PDE1A: variants seen among roughly 807,000 people sequenced by gnomAD.
PDE1A encodes phosphodiesterase 1A, also known as dual specificity calcium/calmodulin-dependent 3',5'-cyclic nucleotide phosphodiesterase 1A.
In PDE1A, 35 loss-of-function variants were observed where a neutral mutation model predicts 61.7. That is an observed-to-expected ratio of 0.57 (90% CI 0.43 to 0.75). The LOEUF is 0.75. Among genes scored for constraint, PDE1A ranks in the 30% least tolerant of loss-of-function variants. The pLI, the probability that PDE1A is intolerant of heterozygous loss-of-function variation, is 0.00. For synonymous variants in PDE1A, 232 were observed against 213.2 expected, an observed-to-expected ratio of 1.09 and a Z score of -0.77; for missense variants, 597 against 630.6, an observed-to-expected ratio of 0.95 and a Z score of 0.57.
At chr2:182,170,896 T>C (rs1161686554) in intron 13 of PDE1A, among the ~76,000 whole-genome samples, 1 of 151,982 alleles carries the variant, frequency 6.6e-6, no homozygotes, top group African/African-American at 2.4e-5. Context: ...AAACAATATA[T>C]AAAGTTTAAT....
chr2:182,520,544 A>T (rs1182542491), intron 2 of PDE1A, among the ~76,000 whole-genome samples: 5 of 151,970 alleles, frequency 3.3e-5, no homozygotes, highest in African/African-American at 1.2e-4. Context: ...TTTCTGAAAT[A>T]AAATGACAGA....
intron 2 of PDE1A, among the ~76,000 whole-genome samples, chr2:182,497,530 C>T (rs76429297): frequency 6.6e-6 from 1 of 152,240 alleles, no homozygotes; most frequent in East Asian, 1.9e-4. Flanking sequence ...AATTAAACCA[C>T]AGAGGTGAGA....
chr2:182,183,992 G>A (rs79153207), intron 13 of PDE1A, among the ~76,000 whole-genome samples: 29,383 of 137,670 alleles, frequency 0.21, 3,145 homozygotes, highest in East Asian at 0.33. Context: ...AACAAAAGAA[G>A]GAAGGAAAGG....
chr2:182,265,483 A>AAAAT (rs1057513965), intron 1 of PDE1A, among the ~76,000 whole-genome samples: 1 of 152,078 alleles, frequency 6.6e-6, no homozygotes, highest in Non-Finnish European at 1.5e-5. Context: ...GGCAAATTTG[A>AAAAT]AAATATTTTC....
the PDE1A span, among the ~76,000 whole-genome samples, chr2:182,658,416 T>C: frequency 6.6e-6 from 1 of 152,240 alleles, no homozygotes; most frequent in Non-Finnish European, 1.5e-5. Flanking sequence ...GGTCATTATA[T>C]TTAGAGCCTA....
chr2:182,288,540 CCAGAATTACCTTCATGGCCAG>C (rs1574259821), intron 1 of PDE1A, among the ~76,000 whole-genome samples: 1 of 152,020 alleles, frequency 6.6e-6, no homozygotes, highest in East Asian at 1.9e-4. Context: ...GCAAATCTAC[CCAGAATTACCTTCATGGCCAG>C]CAATTCAATA....
chr2:182,252,294 G>T (rs1691457198), intron 2 of PDE1A, among the ~76,000 whole-genome samples: 1 of 151,830 alleles, frequency 6.6e-6, no homozygotes, highest in South Asian at 2.1e-4. Flanking sequence ...TGTAGAAAAA[G>T]ATATTTTTCA....
At chr2:182,620,590 G>T in the PDE1A span, among the ~76,000 whole-genome samples, 4 of 152,252 alleles carry the variant, frequency 2.6e-5, no homozygotes. Flanking sequence ...GGAAACAGAG[G>T]CTAGAATGCT....
At chr2:182,468,473 C>G (rs370869774) in intron 2 of PDE1A, among the ~76,000 whole-genome samples, 2 of 151,982 alleles carry the variant, frequency 1.3e-5, no homozygotes, top group Non-Finnish European at 2.9e-5. Context: ...TCTTCAGGCT[C>G]TATTTTTAAT....
At chr2:182,524,460 T>C (rs952331992), upstream of PDE1A, among the ~76,000 whole-genome samples, 1 of 152,126 alleles carries the variant, frequency 6.6e-6, no homozygotes, top group African/African-American at 2.4e-5. Flanking sequence ...AAGAATCTTG[T>C]TTCAATACTA....
At chr2:182,530,572 C>G in the PDE1A span, among the ~76,000 whole-genome samples, 1 of 152,024 alleles carries the variant, frequency 6.6e-6, no homozygotes, top group African/African-American at 2.4e-5. Flanking sequence ...TTTACAGTGA[C>G]AATGGATTTG....
chr2:182,391,365 C>T (rs1701410345), intron 1 of PDE1A, among the ~76,000 whole-genome samples: 1 of 152,088 alleles, frequency 6.6e-6, no homozygotes, highest in Admixed American at 6.5e-5. Flanking sequence ...TTAACTGAAA[C>T]ATGGACCAAA....
the PDE1A span, among the ~76,000 whole-genome samples, chr2:182,665,435 C>G: frequency 6.6e-6 from 1 of 152,094 alleles, no homozygotes; most frequent in Non-Finnish European, 1.5e-5. Context: ...TCTCAGAAGA[C>G]ATTTATGTGG....
At chr2:182,672,372 C>T in the PDE1A span, among the ~76,000 whole-genome samples, 2 of 152,066 alleles carry the variant, frequency 1.3e-5, no homozygotes, top group African/African-American at 4.8e-5. Context: ...TACTTTTCAC[C>T]AGCCCAATAT....
intron 2 of PDE1A, among the ~76,000 whole-genome samples, chr2:182,502,628 G>A (rs1254670775): frequency 6.6e-6 from 1 of 152,112 alleles, no homozygotes; most frequent in Non-Finnish European, 1.5e-5. Flanking sequence ...ATTTAAAAGA[G>A]GTTTTTATTT....
At chr2:182,497,063 A>C (rs1232803844) in intron 2 of PDE1A, among the ~76,000 whole-genome samples, 2 of 152,232 alleles carry the variant, frequency 1.3e-5, no homozygotes, top group African/African-American at 4.8e-5. Flanking sequence ...AAGTGAAAAA[A>C]AATTTTAATT....
At chr2:182,642,349 T>C in the PDE1A span, among the ~76,000 whole-genome samples, 1 of 152,202 alleles carries the variant, frequency 6.6e-6, no homozygotes, top group Non-Finnish European at 1.5e-5. Context: ...CTCTGTTCTC[T>C]TTCCTCCTTG....
rs190576079 is a variant in PDE1A at position 182,251,294 on chromosome 2, C to A, written c.168-11002G>T. On this transcript the variant is annotated intron_variant, in intron 2 of 13. Coordinates refer to ENST00000351439, the Ensembl canonical transcript of PDE1A. The stretch of plus-strand genomic sequence containing the variant: ...GTACAAAAAAAGGTTGGAATTGGGG[C>A]ATTTTAGCACAAAGTTATCTCATTT... 1.2e-4 allele frequency among the ~76,000 whole-genome samples: 19 copies of A among 152,234 alleles called. No individual in the cohort carries two copies. In the East Asian group the frequency reaches 3.5e-3, roughly 28 times the overall value.
intron 3 of PDE1A, among the ~76,000 whole-genome samples, chr2:182,238,670 A>T (rs1690259708): frequency 1.3e-5 from 2 of 152,202 alleles, no homozygotes; most frequent in Non-Finnish European, 2.9e-5. Context: ...CAGTGATTTA[A>T]AAAAGACTTT....
Sources: allele counts gnomAD v4.1 joint callset (sites outside exome capture counted in the v4.1 genomes callset), GRCh38; gene constraint gnomAD v4.1.1; transcripts MANE v1.5; gene names NCBI Gene and HGNC (gene_info 2026-07-23, HGNC 2026-07-21).